The following ARHGEF33 variants were observed in gnomAD, a reference collection of about 807,000 sequenced individuals.
The protein encoded by ARHGEF33 is DH and coiled-coil domain-containing protein ENSP00000381780.
ARHGEF33 carries 72 observed loss-of-function variants against 101.9 expected under a neutral mutation model. That is an observed-to-expected ratio of 0.71 (90% confidence interval 0.58 to 0.86). The LOEUF (loss-of-function observed/expected upper bound fraction) is 0.86. ARHGEF33 is among the 40% of genes least tolerant of loss of function. ARHGEF33 has a pLI of 0.00. For synonymous variants in ARHGEF33, 499 were observed against 442.5 expected (o/e 1.13, Z -1.60); for missense variants, 1,169 against 1,111.3 (o/e 1.05, Z -0.74).
chr2:38,918,742 T>A (rs544240416), intron 2 of ARHGEF33, among the ~76,000 whole-genome samples: 5 of 152,130 alleles, frequency 3.3e-5, no homozygotes, highest in Admixed American at 3.3e-4. Context: ...TTTTTTCTCC[T>A]TAAGATAATT....
At chr2:38,937,799 T>C (rs1667187036) in intron 9 of ARHGEF33, among the ~76,000 whole-genome samples, 1 of 152,120 alleles carries the variant, frequency 6.6e-6, no homozygotes, top group African/African-American at 2.4e-5. Context: ...TGGAGTGCTG[T>C]GGGCGGGAGG....
intron 5 of ARHGEF33, 51 bp from the exon 6 acceptor site, chr2:38,929,658 A>C: frequency 1.3e-6 from 2 of 1,483,378 alleles, no homozygotes; most frequent in Non-Finnish European, 1.8e-6. Context: ...ATTATGTTAT[A>C]TACTTTTACC....
intron 2 of ARHGEF33, among the ~76,000 whole-genome samples, chr2:38,902,134 GAAAAAAAAAA>G (rs1156887244): frequency 1.7e-5 from 1 of 58,474 alleles, no homozygotes; most frequent in African/African-American, 6.3e-5. Flanking sequence ...TCCATCTCAA[GAAAAAAAAAA>G]AAAAAAAAGA....
intron 10 of ARHGEF33, among the ~76,000 whole-genome samples, chr2:38,949,504 C>T (rs1572769308): frequency 6.6e-6 from 1 of 152,144 alleles, no homozygotes; most frequent in East Asian, 1.9e-4. Flanking sequence ...CTCTCCACCC[C>T]ACCCTTCTCT....
At chr2:38,935,493 A>G (rs1667108503) in intron 7 of ARHGEF33, among the ~76,000 whole-genome samples, 2 of 152,174 alleles carry the variant, frequency 1.3e-5, no homozygotes, top group African/African-American at 4.8e-5. Context: ...TAGTTAAACA[A>G]CTATTTAACT....
chr2:38,917,815 C>T (rs971599627), intron 2 of ARHGEF33, among the ~76,000 whole-genome samples: 7 of 147,456 alleles, frequency 4.7e-5, no homozygotes, highest in East Asian at 2.0e-4. Context: ...GGCAACAGAG[C>T]GAGACCTTGT....
intron 16 of ARHGEF33, among the ~76,000 whole-genome samples, chr2:38,964,954 C>G (rs115510341): frequency 1.2e-4 from 19 of 152,206 alleles, no homozygotes; most frequent in Non-Finnish European, 2.5e-4. Flanking sequence ...CACTGCATGT[C>G]TAGCTCCATG....
Position 38,931,197 on chromosome 2 carries a change from G to A in ARHGEF33, c.451G>A (p.Val151Ile). 3.2e-6 allele frequency: 5 copies of A among 1,551,588 alleles called. No individual in the cohort carries two copies. The highest frequency in any genetic ancestry group is 4.4e-6 in the Non-Finnish European group (5 of 1,146,912). The part of the protein sequence containing the change: ...PFRSINIPEP[V>I]LPSEDFTNLL... The stretch of plus-strand genomic sequence containing the variant: ...TCGTTCTATCAATATCCCTGAGCCT[G>A]TTCTTCCAAGCGAAGACTTTACCAA... Residue 151 changes from valine (V) to isoleucine (I), a missense_variant, in exon 7 of 18, where the codon GTT becomes ATT. Val to Ile is a conservative substitution (Grantham distance 29, BLOSUM62 3). Transcript: ENST00000409978.
At chr2:38,904,952 A>G (rs183874889) in intron 2 of ARHGEF33, among the ~76,000 whole-genome samples, 4 of 152,288 alleles carry the variant, frequency 2.6e-5, no homozygotes, top group Admixed American at 2.0e-4. Context: ...GAAGACTCGT[A>G]AGGATTTCAC....
chr2:38,944,910 T>G (rs1000424165), intron 10 of ARHGEF33, among the ~76,000 whole-genome samples: 1 of 130,230 alleles, frequency 7.7e-6, no homozygotes, highest in Admixed American at 7.9e-5. Flanking sequence ...TGCGCGCTCA[T>G]AGGGTCTGCC....
At chr2:38,959,674 G>C in intron 15 of ARHGEF33, 167 bp from the exon 16 acceptor site, 1 of 712,082 alleles carries the variant, frequency 1.4e-6, no homozygotes, top group East Asian at 2.8e-5. Flanking sequence ...TCCACTCTCC[G>C]CCTGGGAACG....
At chr2:38,927,559 G>A (rs1161000228) in intron 4 of ARHGEF33, among the ~76,000 whole-genome samples, 2 of 152,198 alleles carry the variant, frequency 1.3e-5, no homozygotes, top group African/African-American at 4.8e-5. Context: ...AGCTGGATGT[G>A]GTGGCGCATG....
chr2:38,916,643 T>C (rs1307498336), intron 2 of ARHGEF33, among the ~76,000 whole-genome samples: 1 of 152,220 alleles, frequency 6.6e-6, no homozygotes, highest in East Asian at 1.9e-4. Context: ...CTTTTCTTTA[T>C]ATTCCTCATT....
At chr2:38,964,104 C>G (rs1161556789) in intron 16 of ARHGEF33, among the ~76,000 whole-genome samples, 2 of 152,054 alleles carry the variant, frequency 1.3e-5, no homozygotes, top group African/African-American at 4.8e-5. Flanking sequence ...TGAAGTGTGT[C>G]ACTTATGTCC....
At chr2:38,894,807 C>A (rs1572735821) in intron 1 of ARHGEF33, among the ~76,000 whole-genome samples, 1 of 152,142 alleles carries the variant, frequency 6.6e-6, no homozygotes, top group African/African-American at 2.4e-5. Flanking sequence ...GGAATACAGT[C>A]TTTTAACTGG....
intron 2 of ARHGEF33, among the ~76,000 whole-genome samples, chr2:38,916,038 A>G (rs1477079993): frequency 1.3e-5 from 2 of 152,212 alleles, no homozygotes; most frequent in East Asian, 1.9e-4. Flanking sequence ...AAAATAAAAT[A>G]AAAGAAAGTA....
At chr2:38,908,371 C>T (rs1666440101) in intron 2 of ARHGEF33, among the ~76,000 whole-genome samples, 1 of 152,124 alleles carries the variant, frequency 6.6e-6, no homozygotes, top group African/African-American at 2.4e-5. Flanking sequence ...GTCAGAAGAG[C>T]CCCTGGAAGT....
rs1171480506 is a variant in ARHGEF33, at chr2:38,935,665, C to T, written c.506-110C>T. The T allele has an allele frequency of 2.8e-5, 22 of 778,074 alleles. 1 individual carries two copies. Among genetic ancestry groups the T allele is most frequent in the Non-Finnish European group, 4.2e-6 (2 of 475,294 alleles). The allele number at this position is 778,074 out of a possible 1,614,324, so 48.2% of individuals were successfully genotyped here. A position where few individuals can be genotyped will look rare whatever the true frequency, so the allele number is the denominator to read the frequency against. ...ATTTCTTTTTTTTACTGCTCTGCCT[C>T]CCCCATGAAACTACAATCTCTGAGT... On this transcript the variant is annotated intron_variant, in intron 7 of 17. Coordinates refer to ENST00000409978, the MANE Select transcript of ARHGEF33 (RefSeq NM_001145451.5).
At chr2:38,902,909 G>A (rs1176589461) in intron 2 of ARHGEF33, among the ~76,000 whole-genome samples, 13 of 152,114 alleles carry the variant, frequency 8.5e-5, no homozygotes, top group Admixed American at 8.5e-4. Flanking sequence ...ATATGTATGG[G>A]TCAAAGAAGG....
Sources: allele counts gnomAD v4.1 joint callset (sites outside exome capture counted in the v4.1 genomes callset), GRCh38; gene constraint gnomAD v4.1.1; transcripts MANE v1.5; gene names NCBI Gene and HGNC (gene_info 2026-07-23, HGNC 2026-07-21).